The following KPNA7 variants were observed in gnomAD, a reference collection of about 807,000 sequenced individuals.
KPNA7 encodes importin subunit alpha-8.
A neutral mutation model predicts 53.7 loss-of-function variants in KPNA7; 54 were observed. The observed-to-expected ratio is 1.01, with a 90% CI of 0.81 to 1.26. The LOEUF (loss-of-function observed/expected upper bound fraction) is 1.26. KPNA7 is among the 50% of genes most tolerant of loss of function. The probability of loss-of-function intolerance (pLI) is 0.00; values close to 1 mark genes in which losing one functional copy is unlikely to be tolerated. For synonymous variants in KPNA7, 276 were observed against 259.3 expected (o/e 1.06, Z -0.62); for missense variants, 640 against 644.5 (o/e 0.99, Z 0.07).
rs772732443 is a variant in KPNA7, at chr7:99,195,824, G to A, written c.284+260C>T. On this transcript the variant is annotated intron_variant, in intron 4 of 10. Transcript: ENST00000327442. ...TTAAATCAACATTTTCCCCTTTAAG[G>A]TGTTATCTACAAGATGAAATTTCTG... Among the ~76,000 whole-genome samples, 9 of 152,124 alleles carry A rather than the reference G, an allele frequency of 5.9e-5. No individual in the cohort carries two copies. In the South Asian group the frequency reaches 6.2e-4, roughly 10 times the overall value.
the KPNA7 span, among the ~76,000 whole-genome samples, chr7:99,146,430 G>A: frequency 2.6e-5 from 4 of 152,030 alleles, no homozygotes; most frequent in African/African-American, 9.7e-5. Context: ...TGCATTTGCG[G>A]AGGCCGGGCA....
intron 5 of KPNA7, among the ~76,000 whole-genome samples, chr7:99,194,699 G>A (rs1188053044): frequency 6.6e-6 from 1 of 152,134 alleles, no homozygotes; most frequent in Non-Finnish European, 1.5e-5. Context: ...CTCCTCCCAG[G>A]TTCAAGCGAT....
At chr7:99,202,974 ATC>A (rs1790624541) in intron 3 of KPNA7, 130 bp downstream of exon 3, 2 of 1,091,190 alleles carry the variant, frequency 1.8e-6, no homozygotes. Flanking sequence ...TCAAACCATA[ATC>A]TCTTCACTCC....
downstream of KPNA7, among the ~76,000 whole-genome samples, chr7:99,169,927 G>A (rs1458890409): frequency 3.3e-5 from 5 of 152,026 alleles, no homozygotes; most frequent in Non-Finnish European, 5.9e-5. Flanking sequence ...TGTAATCCCA[G>A]CTACTTGGGA....
chr7:99,145,910 C>A, the KPNA7 span, among the ~76,000 whole-genome samples: 29 of 152,272 alleles, frequency 1.9e-4, no homozygotes, highest in African/African-American at 7.0e-4. Flanking sequence ...TGGCACCTTG[C>A]GGCTCTTTCA....
chr7:99,185,580 C>T (rs1171481932), intron 7 of KPNA7, among the ~76,000 whole-genome samples: 1 of 152,176 alleles, frequency 6.6e-6, no homozygotes, highest in East Asian at 1.9e-4. Flanking sequence ...GTGATCCTGC[C>T]TTGGCTTTCC....
chr7:99,189,843 C>T (rs1481501893), intron 6 of KPNA7, among the ~76,000 whole-genome samples: 5 of 152,116 alleles, frequency 3.3e-5, no homozygotes, highest in Non-Finnish European at 5.9e-5. Flanking sequence ...CCTCCTGCCT[C>T]GGCCTCCCAA....
chr7:99,217,053 G>A (rs1791236348), intron 1 of KPNA7, among the ~76,000 whole-genome samples: 1 of 152,170 alleles, frequency 6.6e-6, no homozygotes, highest in Non-Finnish European at 1.5e-5. Flanking sequence ...ATTAAGACAT[G>A]TCATCATCCA....
At chr7:99,178,771 CAAAAAAAAAAAAAAAA>C (rs756807848) in intron 9 of KPNA7, among the ~76,000 whole-genome samples, 146 of 27,716 alleles carry the variant, frequency 5.3e-3, no homozygotes, top group South Asian at 0.016. Context: ...ATCTTTGTCT[CAAAAAAAAAAAAAAAA>C]AAAAAAAAAA....
chr7:99,190,926 A>G (rs1789916143), intron 6 of KPNA7, among the ~76,000 whole-genome samples: 1 of 152,104 alleles, frequency 6.6e-6, no homozygotes, highest in East Asian at 1.9e-4. Context: ...AGCAAGGTAC[A>G]TCTGTCAATC....
the KPNA7 span, among the ~76,000 whole-genome samples, chr7:99,168,493 G>A: frequency 0.012 from 1,797 of 152,034 alleles, 33 homozygotes; most frequent in African/African-American, 0.042. Flanking sequence ...CATCTTTACC[G>A]CTTTGGGACT....
rs1790031277 is a variant in KPNA7 at position 99,192,974 on chromosome 7, AATTTT to A, written c.636+40_636+44del. 7.4e-6 allele frequency: 10 copies of A among 1,345,380 alleles called. No homozygotes were observed. In the East Asian group the frequency reaches 2.6e-4, roughly 34 times the overall value. 83.3% of individuals were successfully genotyped at this position (1,345,380 alleles called of 1,614,324 possible). A position where few individuals can be genotyped will look rare whatever the true frequency, so the allele number is the denominator to read the frequency against. ...TCCATCTCTATTAAGATTATTTTAA[AATTTT>A]AATTTAAAAAAAAAAAAAGAGAAAG... On this transcript the variant is annotated intron_variant, in intron 6 of 10. Transcript: ENST00000327442.
chr7:99,171,184 C>T (rs545159699), downstream of KPNA7, among the ~76,000 whole-genome samples: 2 of 152,284 alleles, frequency 1.3e-5, no homozygotes, highest in Admixed American at 6.5e-5. Context: ...CGTGCCACTG[C>T]ACTCCAGTCT....
intron 10 of KPNA7, among the ~76,000 whole-genome samples, chr7:99,175,334 C>G: frequency 6.6e-6 from 1 of 151,956 alleles, no homozygotes; most frequent in Admixed American, 6.6e-5. Context: ...CATGCCATTA[C>G]ACCTGGCTAA....
chr7:99,172,040 CAT>C (rs1798779839), downstream of KPNA7, among the ~76,000 whole-genome samples: 1 of 152,100 alleles, frequency 6.6e-6, no homozygotes, highest in East Asian at 1.9e-4. Flanking sequence ...GAAAACAAAG[CAT>C]ATGAGTGAAG....
At chr7:99,178,821 C>T (rs1272499068) in intron 9 of KPNA7, among the ~76,000 whole-genome samples, 4 of 135,782 alleles carry the variant, frequency 2.9e-5, no homozygotes, top group South Asian at 2.5e-4. Flanking sequence ...CTCGCTCTAT[C>T]GCCCAGGCTG....
the KPNA7 span, among the ~76,000 whole-genome samples, chr7:99,154,134 C>CTT: frequency 0.011 from 1,539 of 141,448 alleles, 27 homozygotes; most frequent in African/African-American, 0.038. Context: ...AGCTCACACA[C>CTT]TTTTTTTTTT....
intron 6 of KPNA7, among the ~76,000 whole-genome samples, chr7:99,192,662 G>C (rs926651895): frequency 6.6e-6 from 1 of 152,080 alleles, no homozygotes; most frequent in Non-Finnish European, 1.5e-5. Context: ...CTTCTGTCTT[G>C]GCCTAGCAAG....
chr7:99,190,364 AG>A (rs1457537985), intron 6 of KPNA7, among the ~76,000 whole-genome samples: 1 of 151,296 alleles, frequency 6.6e-6, no homozygotes, highest in East Asian at 2.0e-4. Flanking sequence ...AAAAAAAAGC[AG>A]AAAAAAAAGA....
Sources: allele counts gnomAD v4.1 joint callset (sites outside exome capture counted in the v4.1 genomes callset), GRCh38; gene constraint gnomAD v4.1.1; transcripts MANE v1.5; gene names NCBI Gene and HGNC (gene_info 2026-07-23, HGNC 2026-07-21).